Variants in GRAMD1B observed in about 807,000 individuals in gnomAD.
GRAMD1B encodes the protein protein Aster-B.
A neutral mutation model predicts 99.7 loss-of-function variants in GRAMD1B; 37 were observed. That is an observed-to-expected ratio of 0.37 (90% CI 0.29 to 0.49). The LOEUF is 0.49. Ranked by LOEUF, GRAMD1B falls within the 20% of genes least tolerant of loss-of-function variation. GRAMD1B has a pLI of 0.98. For missense variants in GRAMD1B, 888 were observed against 1,009.2 expected (o/e 0.88, Z 1.63); for synonymous variants, 427 against 387.6 (o/e 1.10, Z -1.19).
chr11:123,398,174 T>C (rs939818144), intron 1 of GRAMD1B, among the ~76,000 whole-genome samples: 12 of 152,206 alleles, frequency 7.9e-5, no homozygotes, highest in African/African-American at 2.9e-4. Context: ...TTTATCTTAG[T>C]TAATTTTCTC....
At chr11:123,501,409 G>A (rs141840497) in intron 2 of GRAMD1B, among the ~76,000 whole-genome samples, 236 of 152,172 alleles carry the variant, frequency 1.6e-3, no homozygotes, top group African/African-American at 5.4e-3. Flanking sequence ...GGCCTCAAGT[G>A]ATCCCCCTGC....
chr11:123,474,766 C>A (rs988113780), intron 1 of GRAMD1B, among the ~76,000 whole-genome samples: 3 of 152,108 alleles, frequency 2.0e-5, no homozygotes, highest in African/African-American at 7.2e-5. Context: ...CCACTCAGAG[C>A]CTTTTGCAGC....
chr11:123,584,268 CT>C (rs1330609181), intron 3 of GRAMD1B, 43 bp from the exon 4 acceptor site: 15 of 895,170 alleles, frequency 1.7e-5, no homozygotes, highest in African/African-American at 2.1e-5. Flanking sequence ...CCCCCCATTT[CT>C]TCCCTGACTA....
In GRAMD1B at chr11:123,610,950, T is replaced by C. The variant is rs1331709801; in HGVS notation, c.1919+612T>C. The stretch of plus-strand genomic sequence containing the variant: ...AAGTGCTTCCAAAGGAAGGAAGACA[T>C]TTAGACCCTGACATTTTAAGAAACT... On this transcript the variant is annotated intron_variant, in intron 14 of 19. Transcript: ENST00000635736. This position sits in a 1 kb window ranked among gnomAD's most constrained non-coding sequence, Gnocchi z 4.1. Among the ~76,000 whole-genome samples, 1 of 152,200 alleles carries C rather than the reference T, an allele frequency of 6.6e-6. No homozygotes were observed. The highest frequency in any genetic ancestry group is 1.5e-5 in the Non-Finnish European group (1 of 68,032).
intron 1 of GRAMD1B, among the ~76,000 whole-genome samples, chr11:123,476,925 G>A (rs192585851): frequency 7.4e-4 from 112 of 152,154 alleles, no homozygotes; most frequent in African/African-American, 2.6e-3. Flanking sequence ...TTAATACATA[G>A]TATTGAGAGT....
intron 2 of GRAMD1B, among the ~76,000 whole-genome samples, chr11:123,507,707 G>T (rs1432501876): frequency 1.3e-5 from 2 of 152,126 alleles, no homozygotes; most frequent in Non-Finnish European, 2.9e-5. Context: ...ACCAATCTCT[G>T]AATAGTCCCA....
rs1950213541 is a variant in GRAMD1B, at chr11:123,457,497, T to G, written c.375-23319T>G. The stretch of plus-strand genomic sequence containing the variant: ...CAGGCTTAATGGAAGATTTCTTAGC[T>G]TAGCGTCATGGGACTTTTAAGGCTA... On this transcript the variant is annotated intron_variant, in intron 1 of 19. Coordinates refer to ENST00000635736, the MANE Select transcript of GRAMD1B (RefSeq NM_001387025.1). Among the ~76,000 whole-genome samples the G allele has an allele frequency of 2.6e-5, 4 of 152,228 alleles. 1 individual carries two copies. Among genetic ancestry groups the G allele is most frequent in the Admixed American group, 2.6e-4 (4 of 15,284 alleles).
In GRAMD1B at chr11:123,408,276, A is replaced by C. The variant is rs117855076; in HGVS notation, c.-176+49477A>C. Reference sequence around the variant, plus strand: ...ACAATAGAAAATGAAGTGAAATGGAAAGGAATTCTAACATGGCATTACACT... The same window carrying C: ...ACAATAGAAAATGAAGTGAAATGGACAGGAATTCTAACATGGCATTACACT... On this transcript the variant is annotated intron_variant, in intron 1 of 20. Coordinates refer to the GRAMD1B transcript ENST00000638157. 3.5e-3 allele frequency among the ~76,000 whole-genome samples: 540 copies of C among 152,332 alleles called. 2 individuals are homozygous for C. Among genetic ancestry groups the C allele is most frequent in the Middle Eastern group, 0.017 (5 of 294 alleles).
intron 1 of GRAMD1B, among the ~76,000 whole-genome samples, chr11:123,421,345 C>CTG (rs1439972267): frequency 6.6e-6 from 1 of 152,234 alleles, no homozygotes; most frequent in Non-Finnish European, 1.5e-5. Flanking sequence ...TGCAGACTGA[C>CTG]TGTTAGGACT....
At chr11:123,478,911 C>A (rs981750514) in intron 1 of GRAMD1B, among the ~76,000 whole-genome samples, 1 of 152,188 alleles carries the variant, frequency 6.6e-6, no homozygotes, top group Non-Finnish European at 1.5e-5. Context: ...GTGCTGCCTA[C>A]TGTGGAGTAA....
chr11:123,520,125 T>C (rs953954480), intron 2 of GRAMD1B, among the ~76,000 whole-genome samples: 7 of 152,202 alleles, frequency 4.6e-5, no homozygotes, highest in South Asian at 2.1e-4. Context: ...TTAAGACTCA[T>C]AGGAGACCAA....
chr11:123,506,216 A>G (rs531486697), intron 2 of GRAMD1B, among the ~76,000 whole-genome samples: 1 of 152,126 alleles, frequency 6.6e-6, no homozygotes, highest in Admixed American at 6.5e-5. Flanking sequence ...AGCCTCACTC[A>G]GTTTCCTTGC....
chr11:123,523,690 C>T (rs1296461227), intron 2 of GRAMD1B, among the ~76,000 whole-genome samples: 2 of 152,210 alleles, frequency 1.3e-5, no homozygotes, highest in Admixed American at 6.5e-5. Flanking sequence ...ACAGTATTCA[C>T]GTGTACCTGG....
intron 1 of GRAMD1B, among the ~76,000 whole-genome samples, chr11:123,446,802 G>T (rs1387930940): frequency 2.0e-5 from 3 of 152,102 alleles, no homozygotes; most frequent in Non-Finnish European, 4.4e-5. Flanking sequence ...GGGCATGGCG[G>T]TGTGTGCGTG....
intron 1 of GRAMD1B, among the ~76,000 whole-genome samples, chr11:123,433,967 C>G (rs934624815): frequency 2.0e-5 from 3 of 152,016 alleles, no homozygotes. Context: ...CAGTGGCTCA[C>G]GCCTGTAATC....
At chr11:123,377,312 C>A (rs1242524183) in intron 1 of GRAMD1B, among the ~76,000 whole-genome samples, 1 of 152,132 alleles carries the variant, frequency 6.6e-6, no homozygotes, top group Non-Finnish European at 1.5e-5. Context: ...CAAATTAATT[C>A]AGGAATTTAT....
chr11:123,391,791 A>T (rs574697696), intron 1 of GRAMD1B, among the ~76,000 whole-genome samples: 67 of 152,206 alleles, frequency 4.4e-4, no homozygotes, highest in Non-Finnish European at 7.8e-4. Context: ...TATGTGACTA[A>T]GCACTTACAA....
chr11:123,400,017 T>G (rs1947604045), intron 1 of GRAMD1B, among the ~76,000 whole-genome samples: 1 of 152,228 alleles, frequency 6.6e-6, no homozygotes, highest in Non-Finnish European at 1.5e-5. Flanking sequence ...TAGAGAAATG[T>G]CTACTAATGT....
chr11:123,367,798 T>G (rs1358849062), intron 1 of GRAMD1B, among the ~76,000 whole-genome samples: 1 of 152,054 alleles, frequency 6.6e-6, no homozygotes, highest in African/African-American at 2.4e-5. Context: ...CAGTCCAAAG[T>G]TATGTCCAGA....
Sources: allele counts gnomAD v4.1 joint callset (sites outside exome capture counted in the v4.1 genomes callset), GRCh38; gene constraint gnomAD v4.1.1; non-coding constraint Gnocchi (gnomAD v3.1); transcripts MANE v1.5; gene names NCBI Gene and HGNC (gene_info 2026-07-23, HGNC 2026-07-21).